KCNK9: variants seen among roughly 807,000 people sequenced by gnomAD.
KCNK9 encodes the protein potassium two pore domain channel subfamily K member 9, also known as potassium channel subfamily K member 9.
Under a neutral mutation model 10.8 loss-of-function variants are expected in KCNK9, and 1 was observed. The ratio of observed to expected loss-of-function variants is 0.09; its 90% CI spans 0.03 to 0.44. The LOEUF (loss-of-function observed/expected upper bound fraction) is 0.44, where lower values mean the gene tolerates loss of function less well. KCNK9 is among the 20% of genes least tolerant of loss of function. The probability of loss-of-function intolerance (pLI) is 0.97; values close to 1 mark genes in which losing one functional copy is unlikely to be tolerated. For missense variants in KCNK9, 303 were observed against 515.0 expected (o/e 0.59, Z 3.98); for synonymous variants, 231 against 222.7 (o/e 1.04, Z -0.33).
At chr8:139,650,152 C>T (rs1005483436) in intron 1 of KCNK9, among the ~76,000 whole-genome samples, 1 of 152,212 alleles carries the variant, frequency 6.6e-6, no homozygotes, top group Admixed American at 6.5e-5. Context: ...CTTCTCATCT[C>T]CCCCAAGTAA....
Position 139,693,026 on chromosome 8 carries a change from A to G in KCNK9, c.283+9684T>C, listed in dbSNP as rs1816966507. On this transcript the variant is annotated intron_variant, in intron 1 of 1. Coordinates refer to ENST00000520439, the MANE Select transcript of KCNK9 (RefSeq NM_001282534.2). This position sits in a 1 kb window ranked among gnomAD's most constrained non-coding sequence, Gnocchi z 4.1. ...AGGCCCACCTGAGAGATTCACCCCA[A>G]CCTCACCTGAGTTTTCACCCCAGCC... is the stretch of plus-strand genomic sequence containing the variant. Among the ~76,000 whole-genome samples the G allele has an allele frequency of 6.6e-6, 1 of 151,684 alleles. No individual in the cohort carries two copies. Among genetic ancestry groups the G allele is most frequent in the African/African-American group, 2.4e-5 (1 of 41,242 alleles).
At chr8:139,682,009 T>G (rs1276919746) in intron 1 of KCNK9, among the ~76,000 whole-genome samples, 1 of 151,960 alleles carries the variant, frequency 6.6e-6, no homozygotes, top group East Asian at 1.9e-4. Context: ...GCAGGTACCC[T>G]GGGATTTGGA....
intron 1 of KCNK9, among the ~76,000 whole-genome samples, chr8:139,629,582 G>C (rs994498420): frequency 6.6e-6 from 1 of 152,182 alleles, no homozygotes; most frequent in Non-Finnish European, 1.5e-5. Context: ...CTCAAGCTGG[G>C]CTGCCATAAC....
downstream of KCNK9, among the ~76,000 whole-genome samples, chr8:139,608,604 G>A (rs1199530609): frequency 6.7e-6 from 1 of 149,986 alleles, no homozygotes; most frequent in Non-Finnish European, 1.5e-5. Context: ...CCTGTGCAGG[G>A]GCTACTGCAG....
intron 1 of KCNK9, among the ~76,000 whole-genome samples, chr8:139,625,839 T>A (rs569316342): frequency 2.0e-5 from 3 of 152,148 alleles, no homozygotes; most frequent in Admixed American, 6.5e-5. Context: ...AAAAACCAGC[T>A]GTGGCTAGAA....
At chr8:139,613,771 G>A (rs562419557), downstream of KCNK9, among the ~76,000 whole-genome samples, 46 of 152,238 alleles carry the variant, frequency 3.0e-4, no homozygotes, top group African/African-American at 1.1e-3. Context: ...CCTCATCTAC[G>A]GTGTTTCCAG....
At chr8:139,637,245 C>T (rs916502731) in intron 1 of KCNK9, among the ~76,000 whole-genome samples, 5 of 152,156 alleles carry the variant, frequency 3.3e-5, no homozygotes, top group Non-Finnish European at 5.9e-5. Flanking sequence ...GAGTGCTGAC[C>T]GCATACCCCA....
intron 1 of KCNK9, among the ~76,000 whole-genome samples, chr8:139,671,140 G>A (rs913292425): frequency 1.3e-5 from 2 of 152,254 alleles, no homozygotes; most frequent in African/African-American, 4.8e-5. Context: ...CCACAGGTCT[G>A]TCAAGTGTCA....
chr8:139,621,116 C>A (rs1341177380), intron 1 of KCNK9, among the ~76,000 whole-genome samples: 1 of 152,054 alleles, frequency 6.6e-6, no homozygotes, highest in African/African-American at 2.4e-5. Flanking sequence ...AACCCCATCT[C>A]TACTAATTTT....
At chr8:139,602,962 G>A (rs533787352) in intron 2 of KCNK9, among the ~76,000 whole-genome samples, 5 of 152,286 alleles carry the variant, frequency 3.3e-5, no homozygotes, top group African/African-American at 1.2e-4. Flanking sequence ...TTGCCCTAGA[G>A]CATAACTGCT....
intron 1 of KCNK9, among the ~76,000 whole-genome samples, chr8:139,663,436 C>G (rs541537712): frequency 6.6e-6 from 1 of 152,222 alleles, no homozygotes; most frequent in Admixed American, 6.5e-5. Context: ...CCCTCACACA[C>G]CACCACCTTA....
Position 139,618,463 on chromosome 8 carries a change from T to C in KCNK9, c.920A>G (p.Tyr307Cys). ...CTGCGGTGCCACCGAGCGGCCGCCA[T>C]AGTCCTGCGAGCGGTAGCAGGTGCA... ...CSCTCYRSQD[Y>C]GGRSVAPQNS... The change falls in exon 2 of 2, where the codon TAT becomes TGT. Residue 307 changes from tyrosine (Y) to cysteine (C), a missense_variant. Tyr to Cys is a radical substitution (Grantham distance 194). This residue lies in a region of KCNK9 where 138 missense variants were observed against 161.1 expected (regional missense o/e 0.86). Coordinates refer to ENST00000520439, the MANE Select transcript of KCNK9 (RefSeq NM_001282534.2). The surrounding 1 kb of genome is among the most constrained non-coding windows in gnomAD (Gnocchi z 7.9). The C allele has an allele frequency of 6.2e-7, 1 of 1,613,936 alleles. No homozygotes were observed. Among genetic ancestry groups the C allele is most frequent in the East Asian group, 2.2e-5 (1 of 44,874 alleles).
intron 1 of KCNK9, among the ~76,000 whole-genome samples, chr8:139,670,201 T>C (rs2129731022): frequency 6.6e-6 from 1 of 152,308 alleles, no homozygotes; most frequent in African/African-American, 2.4e-5. Context: ...GTGTGCCCTC[T>C]TGTACAGATG....
intron 1 of KCNK9, among the ~76,000 whole-genome samples, chr8:139,635,046 G>A (rs767689424): frequency 3.3e-5 from 5 of 152,206 alleles, no homozygotes; most frequent in Non-Finnish European, 7.3e-5. Flanking sequence ...CCCCTGAAGG[G>A]TAAGGTGAGC....
chr8:139,626,407 C>G (rs1563722257), intron 1 of KCNK9, among the ~76,000 whole-genome samples: 1 of 152,212 alleles, frequency 6.6e-6, no homozygotes, highest in South Asian at 2.1e-4. Context: ...CCCCGCTTAC[C>G]TGAGCCCTTG....
intron 1 of KCNK9, among the ~76,000 whole-genome samples, chr8:139,695,466 C>T (rs1817026889): frequency 1.3e-5 from 2 of 152,234 alleles, no homozygotes; most frequent in African/African-American, 2.4e-5. Context: ...AGGCCAAGCT[C>T]CACTCAGCCC....
chr8:139,642,778 G>A (rs144486301), intron 1 of KCNK9, among the ~76,000 whole-genome samples: 1 of 152,210 alleles, frequency 6.6e-6, no homozygotes, highest in African/African-American at 2.4e-5. Context: ...CTGTTTGTGT[G>A]GCTTCATCTA....
chr8:139,681,888 G>C (rs528640763), intron 1 of KCNK9, among the ~76,000 whole-genome samples: 8 of 152,232 alleles, frequency 5.3e-5, no homozygotes, highest in African/African-American at 1.9e-4. Context: ...CTGGAGCTCA[G>C]GGAGACACCA....
chr8:139,607,035 T>C (rs1814241347), intron 2 of KCNK9, among the ~76,000 whole-genome samples: 1 of 152,066 alleles, frequency 6.6e-6, no homozygotes, highest in Admixed American at 6.5e-5. Context: ...AACAAACAAA[T>C]ATATAATTAG....
Sources: allele counts gnomAD v4.1 joint callset (sites outside exome capture counted in the v4.1 genomes callset), GRCh38; gene constraint gnomAD v4.1.1; regional missense constraint gnomAD v4.1.1; non-coding constraint Gnocchi (gnomAD v3.1); transcripts MANE v1.5; gene names NCBI Gene and HGNC (gene_info 2026-07-23, HGNC 2026-07-21).